The following P3H2 variants were observed in gnomAD, a reference collection of about 807,000 sequenced individuals.
P3H2 encodes prolyl 3-hydroxylase 2, also known as leprecan-like 1.
Under a neutral mutation model 87.0 loss-of-function variants are expected in P3H2, and 80 were observed. The observed-to-expected ratio is 0.92, with a 90% CI of 0.77 to 1.11. The LOEUF (loss-of-function observed/expected upper bound fraction) is 1.11, where lower values mean the gene tolerates loss of function less well. Among genes scored for constraint, P3H2 ranks in the 50% least tolerant of loss-of-function variants. The pLI is 0.00. For synonymous variants in P3H2, 367 were observed against 359.3 expected (o/e 1.02, Z -0.24); for missense variants, 1,001 against 923.9 (o/e 1.08, Z -1.08).
At chr3:190,086,563 G>T (rs1727217240) in intron 1 of P3H2, among the ~76,000 whole-genome samples, 1 of 152,170 alleles carries the variant, frequency 6.6e-6, no homozygotes, top group African/African-American at 2.4e-5. Flanking sequence ...GCATAGGCGT[G>T]AGGTTCTGTG....
At chr3:189,973,511 CTTTT>C (rs869099221) in intron 10 of P3H2, among the ~76,000 whole-genome samples, 4 of 35,470 alleles carry the variant, frequency 1.1e-4, no homozygotes, top group Admixed American at 5.0e-4. Flanking sequence ...TTCTTTCTTT[CTTTT>C]TTTTTTTTTT....
chr3:190,039,046 G>A lies in P3H2; in HGVS notation c.481-43604C>T, dbSNP rs190827161. On this transcript the variant is annotated intron_variant, in intron 1 of 14. Transcript: ENST00000319332. ...CTCTACTAAAAATACAAAATTAGCC[G>A]GGCGAGGTGGCATATGCCTGTAATC... Among the ~76,000 whole-genome samples, 305 of 152,126 alleles carry A rather than the reference G, an allele frequency of 2.0e-3. 1 individual carries two copies. The highest frequency in any genetic ancestry group is 6.8e-3 in the African/African-American group (284 of 41,522).
intron 1 of P3H2, among the ~76,000 whole-genome samples, chr3:190,069,211 G>A (rs1050284085): frequency 5.3e-5 from 8 of 152,046 alleles, no homozygotes; most frequent in Non-Finnish European, 1.0e-4. Context: ...ACCATACCAA[G>A]AAGAAAAAAT....
chr3:190,014,560 C>T (rs552464521), intron 1 of P3H2, among the ~76,000 whole-genome samples: 7 of 152,252 alleles, frequency 4.6e-5, no homozygotes, highest in Middle Eastern at 3.4e-3. Flanking sequence ...CTGAGACTGA[C>T]GACTGGAGAG....
intron 1 of P3H2, among the ~76,000 whole-genome samples, chr3:190,089,977 G>A (rs929772109): frequency 2.6e-5 from 4 of 152,194 alleles, no homozygotes; most frequent in African/African-American, 9.7e-5. Context: ...CAGAGTCTCA[G>A]TGGTCAGTGA....
At chr3:190,066,158 T>TATATATATATATATACACACAC (rs1256956930) in intron 1 of P3H2, among the ~76,000 whole-genome samples, 30 of 134,608 alleles carry the variant, frequency 2.2e-4, no homozygotes, top group Middle Eastern at 3.9e-3. Context: ...TATATATATA[T>TATATATATATATATACACACAC]ACACACACAC....
rs556037842 is a variant in P3H2, at chr3:190,120,258, G to C, written c.474C>G (p.Tyr158Ter). 1 of 1,610,734 alleles carries C rather than the reference G, an allele frequency of 6.2e-7. No individual in the cohort carries two copies. Among genetic ancestry groups the C allele is most frequent in the African/African-American group, 1.3e-5 (1 of 75,034 alleles). Residue 158 changes from tyrosine (Y) to a stop codon, truncating the protein, a stop_gained, in exon 1 of 15, where the codon TAC (tyrosine) becomes TAG (stop). Coordinates refer to ENST00000319332, the MANE Select transcript of P3H2 (RefSeq NM_018192.4). LOFTEE classifies it high-confidence loss of function. ...AGGAGCGCTCTGTGGGTACCTTGAT[G>C]TAGGCCCGCTGCAGGTAGTTGTAGG... ...RVPYNYLQRA[Y>*]IKLNQLEKAV...
At chr3:190,016,391 C>T (rs867937123) in intron 1 of P3H2, among the ~76,000 whole-genome samples, 7 of 151,866 alleles carry the variant, frequency 4.6e-5, no homozygotes, top group African/African-American at 1.7e-4. Flanking sequence ...TTACAGGCGC[C>T]CTCCACCACG....
chr3:190,012,328 T>A (rs1305451815), intron 1 of P3H2, among the ~76,000 whole-genome samples: 4 of 151,880 alleles, frequency 2.6e-5, no homozygotes, highest in African/African-American at 9.7e-5. Context: ...CTTAATCTAT[T>A]TACCACACTG....
chr3:190,012,838 AAGATTAAG>A (rs1378548261), intron 1 of P3H2, among the ~76,000 whole-genome samples: 3 of 152,160 alleles, frequency 2.0e-5, no homozygotes, highest in Non-Finnish European at 4.4e-5. Flanking sequence ...CAGTATACAG[AAGATTAAG>A]AGATTTTGTA....
intron 13 of P3H2, among the ~76,000 whole-genome samples, chr3:189,966,102 GA>G (rs774742349): frequency 9.4e-6 from 1 of 106,290 alleles, no homozygotes; most frequent in African/African-American, 4.8e-5. Flanking sequence ...AAGAAAGAAA[GA>G]AAAAAGAAAG....
chr3:190,086,695 G>C (rs1205610608), intron 1 of P3H2, among the ~76,000 whole-genome samples: 2 of 152,164 alleles, frequency 1.3e-5, no homozygotes, highest in Non-Finnish European at 2.9e-5. Context: ...TGCTAGCCCA[G>C]GGACTCAACC....
At chr3:190,069,854 C>T (rs1726636462) in intron 1 of P3H2, among the ~76,000 whole-genome samples, 1 of 151,954 alleles carries the variant, frequency 6.6e-6, no homozygotes, top group Non-Finnish European at 1.5e-5. Flanking sequence ...AGTGACATTT[C>T]AGAGCAGTGG....
At chr3:190,018,700 C>A (rs1010927428) in intron 1 of P3H2, among the ~76,000 whole-genome samples, 1 of 152,084 alleles carries the variant, frequency 6.6e-6, no homozygotes, top group Admixed American at 6.5e-5. Context: ...CACAGCAAGA[C>A]CCTGACTCAA....
At chr3:190,061,536 T>G (rs1726331663) in intron 1 of P3H2, among the ~76,000 whole-genome samples, 1 of 152,102 alleles carries the variant, frequency 6.6e-6, no homozygotes, top group African/African-American at 2.4e-5. Context: ...TTACCCTGTT[T>G]GTGTTTATCA....
intron 1 of P3H2, among the ~76,000 whole-genome samples, chr3:190,004,451 C>T (rs1033801215): frequency 1.3e-5 from 2 of 152,168 alleles, no homozygotes; most frequent in African/African-American, 2.4e-5. Flanking sequence ...GGCGGGATCT[C>T]GGCTCACTGC....
intron 13 of P3H2, among the ~76,000 whole-genome samples, chr3:189,970,191 AAT>A (rs71175322): frequency 0.27 from 14,577 of 53,826 alleles, 2,238 homozygotes; most frequent in Non-Finnish European, 0.34. Flanking sequence ...TATATATGCA[AAT>A]ATATATATAT....
chr3:190,015,434 G>C (rs1222360328), intron 1 of P3H2, among the ~76,000 whole-genome samples: 2 of 152,140 alleles, frequency 1.3e-5, no homozygotes, highest in Non-Finnish European at 2.9e-5. Flanking sequence ...CTTACTCAGA[G>C]CCCCCTTGGC....
chr3:190,068,230 A>C (rs576221775), intron 1 of P3H2, among the ~76,000 whole-genome samples: 1 of 152,302 alleles, frequency 6.6e-6, no homozygotes, highest in East Asian at 1.9e-4. Context: ...ATTTGAAAGG[A>C]CCTTCAAAAT....
Sources: gnomAD v4.1 joint callset for allele counts (sites outside exome capture counted in the v4.1 genomes callset) on GRCh38, gnomAD v4.1.1 for gene constraint, MANE v1.5 for transcripts, NCBI Gene and HGNC (gene_info 2026-07-23, HGNC 2026-07-21) for gene names.